C7orf78: variants seen among roughly 807,000 people sequenced by gnomAD.
C7orf78 encodes the protein putative uncharacterized protein C7orf78.
At chr7:12,516,246 T>C in the C7orf78 span, among the ~76,000 whole-genome samples, 1 of 152,218 alleles carries the variant, frequency 6.6e-6, no homozygotes, top group East Asian at 1.9e-4. Flanking sequence ...ATGTAGAGCT[T>C]GGGCAATGGC....
chr7:12,483,534 T>C, the C7orf78 span: 1 of 152,136 alleles, frequency 6.6e-6, no homozygotes, highest in Non-Finnish European at 1.5e-5. Flanking sequence ...ATGTTTTAAC[T>C]CATTGCTGAT....
chr7:12,516,167 G>A, the C7orf78 span, among the ~76,000 whole-genome samples: 8 of 152,214 alleles, frequency 5.3e-5, no homozygotes, highest in African/African-American at 1.9e-4. Context: ...CAGGGTCTCT[G>A]TACTACGTGC....
the C7orf78 span, among the ~76,000 whole-genome samples, chr7:12,525,489 C>T: frequency 1.3e-5 from 2 of 152,028 alleles, no homozygotes; most frequent in African/African-American, 4.8e-5. Flanking sequence ...TTTAAGATTG[C>T]AAGTTTAAGA....
At chr7:12,520,442 T>C in the C7orf78 span, among the ~76,000 whole-genome samples, 1 of 152,234 alleles carries the variant, frequency 6.6e-6, no homozygotes, top group African/African-American at 2.4e-5. Flanking sequence ...GTATTTCCAT[T>C]TTCATTTGTT....
At chr7:12,524,529 T>TTTCCATTCATAGTAAA in the C7orf78 span, among the ~76,000 whole-genome samples, 1 of 152,128 alleles carries the variant, frequency 6.6e-6, no homozygotes, top group Non-Finnish European at 1.5e-5. Context: ...CATTTAAATA[T>TTTCCATTCATAGTAAA]TAAATGTTAC....
chr7:12,519,959 C>T, the C7orf78 span, among the ~76,000 whole-genome samples: 19 of 152,180 alleles, frequency 1.2e-4, no homozygotes, highest in Admixed American at 3.9e-4. Context: ...TGACCCAGTG[C>T]ATTTTCTATC....
At chr7:12,500,745 T>C in the C7orf78 span, among the ~76,000 whole-genome samples, 1 of 151,590 alleles carries the variant, frequency 6.6e-6, no homozygotes, top group Non-Finnish European at 1.5e-5. Context: ...CCAGCATCAT[T>C]CTGATACCAA....
the C7orf78 span, among the ~76,000 whole-genome samples, chr7:12,497,892 C>T: frequency 1.5e-3 from 219 of 150,732 alleles, no homozygotes; most frequent in African/African-American, 4.8e-3. Context: ...GATCTGAGAA[C>T]GGGCAGACTG....
chr7:12,493,329 G>A, the C7orf78 span, among the ~76,000 whole-genome samples: 1 of 152,184 alleles, frequency 6.6e-6, no homozygotes, highest in African/African-American at 2.4e-5. Flanking sequence ...CTAAATATGT[G>A]TAGGAATGTG....
the C7orf78 span, among the ~76,000 whole-genome samples, chr7:12,489,257 A>T: frequency 3.4e-3 from 464 of 135,334 alleles, 2 homozygotes; most frequent in African/African-American, 0.012. Context: ...TGGCATGTAT[A>T]TATCATCTGG....
At chr7:12,527,089 A>T in the C7orf78 span, among the ~76,000 whole-genome samples, 2 of 146,404 alleles carry the variant, frequency 1.4e-5, no homozygotes. Flanking sequence ...ATTGAAATGG[A>T]ACATGTCAGC....
chr7:12,490,571 G>A, the C7orf78 span, among the ~76,000 whole-genome samples: 2 of 152,078 alleles, frequency 1.3e-5, no homozygotes, highest in Non-Finnish European at 2.9e-5. Flanking sequence ...GATATGGGGA[G>A]GGGAAATTTT....
the C7orf78 span, chr7:12,491,834 G>T: frequency 6.6e-6 from 1 of 152,060 alleles, no homozygotes; most frequent in Non-Finnish European, 1.5e-5. Flanking sequence ...TTATTTTGCT[G>T]CCTTCATGAC....
the C7orf78 span, among the ~76,000 whole-genome samples, chr7:12,539,293 T>C: frequency 6.6e-6 from 1 of 151,910 alleles, no homozygotes; most frequent in Non-Finnish European, 1.5e-5. Context: ...TGAAACCCCA[T>C]CTCTACTAAA....
At chr7:12,486,224 G>C in the C7orf78 span, among the ~76,000 whole-genome samples, 1 of 152,002 alleles carries the variant, frequency 6.6e-6, no homozygotes, top group African/African-American at 2.4e-5. Flanking sequence ...AATAGGAATA[G>C]TTATGGTGTA....
At chr7:12,484,387 T>G in the C7orf78 span, among the ~76,000 whole-genome samples, 1 of 152,216 alleles carries the variant, frequency 6.6e-6, no homozygotes, top group Non-Finnish European at 1.5e-5. Context: ...TACTTTCTGA[T>G]TAAATTTACA....
chr7:12,527,367 T>C, the C7orf78 span, among the ~76,000 whole-genome samples: 8 of 125,572 alleles, frequency 6.4e-5, no homozygotes, highest in Non-Finnish European at 1.3e-4. Flanking sequence ...GTCACTCACT[T>C]TGGTAGAAAA....
the C7orf78 span, among the ~76,000 whole-genome samples, chr7:12,492,746 A>T: frequency 6.6e-6 from 1 of 152,242 alleles, no homozygotes; most frequent in Non-Finnish European, 1.5e-5. Flanking sequence ...GTATGACAGC[A>T]TCAAATGCCT....
the C7orf78 span, among the ~76,000 whole-genome samples, chr7:12,506,626 C>T: frequency 2.0e-5 from 3 of 151,960 alleles, no homozygotes; most frequent in Admixed American, 6.6e-5. Context: ...GAACATCACA[C>T]GCTGGGGCCT....
Sources: allele counts gnomAD v4.1 joint callset (sites outside exome capture counted in the v4.1 genomes callset), GRCh38; gene constraint gnomAD v4.1.1; transcripts MANE v1.5; gene names NCBI Gene and HGNC (gene_info 2026-07-23, HGNC 2026-07-21).